Variants in DIAPH2 observed in about 807,000 individuals in gnomAD.
The protein encoded by DIAPH2 is diaphanous related formin 2.
DIAPH2 carries 35 observed loss-of-function variants against 92.7 expected under a neutral mutation model. The ratio of observed to expected loss-of-function variants is 0.38; its 90% CI spans 0.29 to 0.50. The LOEUF (loss-of-function observed/expected upper bound fraction) is 0.50, where lower values mean the gene tolerates loss of function less well. Among genes scored for constraint, DIAPH2 ranks in the 20% least tolerant of loss-of-function variants. The pLI, the probability that DIAPH2 is intolerant of heterozygous loss-of-function variation, is 0.94. For synonymous variants in DIAPH2, 301 were observed against 280.4 expected, an observed-to-expected ratio of 1.07 and a Z score of -0.73; for missense variants, 701 against 819.5, an observed-to-expected ratio of 0.86 and a Z score of 1.77.
intron 3 of DIAPH2, among the ~76,000 whole-genome samples, chrX:96,745,168 G>C (rs755964176): frequency 9.1e-6 from 1 of 109,675 alleles, no homozygotes; most frequent in Non-Finnish European, 1.9e-5. Context: ...CACCATGCCT[G>C]GCTAATTTTG....
At chrX:97,378,465 T>G (rs1162164407) in intron 24 of DIAPH2, among the ~76,000 whole-genome samples, 1 of 110,100 alleles carries the variant, frequency 9.1e-6, no homozygotes, top group African/African-American at 3.3e-5. Context: ...GAGGATCACT[T>G]GACTTCAAGA....
intron 26 of DIAPH2, among the ~76,000 whole-genome samples, chrX:97,451,887 A>G (rs750395236): frequency 1.8e-4 from 20 of 111,829 alleles, no homozygotes; most frequent in Admixed American, 1.7e-3. Flanking sequence ...TGGCCTTCAT[A>G]GTTCAACTTT....
At chrX:96,810,130 A>G (rs1054258363) in intron 4 of DIAPH2, among the ~76,000 whole-genome samples, 15 of 112,343 alleles carry the variant, frequency 1.3e-4, no homozygotes, top group African/African-American at 4.9e-4. Context: ...TTACACTCCC[A>G]TCAACAGTGT....
At position 97,601,235 on chromosome X, in the gene DIAPH2, T is replaced by C. The variant is rs1370013351; in HGVS notation, c.*1918T>C. On this transcript the variant is annotated 3_prime_UTR_variant, in exon 27 of 27. Coordinates refer to ENST00000324765, the MANE Select transcript of DIAPH2 (RefSeq NM_006729.5). ...AGCTTATCAGTCTGTAGGAGAATGATCTTGAAATGTTAACCCTGACTAAAA... is the reference window on the plus strand; with the variant it reads ...AGCTTATCAGTCTGTAGGAGAATGACCTTGAAATGTTAACCCTGACTAAAA... The C allele has an allele frequency of 8.9e-6, 1 of 112,055 alleles. No individual in the cohort carries two copies. Among genetic ancestry groups the C allele is most frequent in the Admixed American group, 9.5e-5 (1 of 10,499 alleles). The allele number at this position is 112,055 out of a possible 1,213,427, so 9.2% of individuals were successfully genotyped here.
chrX:97,066,737 C>T (rs1331590805), intron 17 of DIAPH2, among the ~76,000 whole-genome samples: 1 of 111,984 alleles, frequency 8.9e-6, no homozygotes, highest in Non-Finnish European at 1.9e-5. Context: ...TGACATTTAG[C>T]AGTGTTCAGT....
At chrX:97,570,104 ATATATATATATATATATATT>A (rs1569426165) in intron 26 of DIAPH2, among the ~76,000 whole-genome samples, 28 of 32,065 alleles carry the variant, frequency 8.7e-4, no homozygotes, top group African/African-American at 1.8e-3. Flanking sequence ...ATATATATAT[ATATATATATATATATATATT>A]AGAAGATAGA....
chrX:96,720,886 A>G (rs761555247), intron 1 of DIAPH2, among the ~76,000 whole-genome samples: 1 of 111,708 alleles, frequency 9.0e-6, no homozygotes, highest in South Asian at 3.7e-4. Flanking sequence ...TGTAATTAAA[A>G]CATATGAGAT....
chrX:96,695,375 G>A lies in DIAPH2; in HGVS notation c.132+10185G>A, dbSNP rs184624574. Among the ~76,000 whole-genome samples the A allele has an allele frequency of 2.9e-3, 326 of 112,635 alleles. 1 individual carries two copies. The highest frequency in any genetic ancestry group is 0.01 in the African/African-American group (318 of 31,033). On this transcript the variant is annotated intron_variant, in intron 1 of 26. Coordinates refer to ENST00000324765, the MANE Select transcript of DIAPH2 (RefSeq NM_006729.5). ...TGTTTTACGAAAGTAGGGCTTCCCT[G>A]TATTCTCTTATCTCAAATTCTTAGG...
At chrX:96,847,888 A>G (rs6620191) in intron 4 of DIAPH2, among the ~76,000 whole-genome samples, 11,889 of 110,861 alleles carry the variant, frequency 0.11, 569 homozygotes, top group East Asian at 0.32. Flanking sequence ...GTGAACTAAT[A>G]TAATTTGTAT....
At chrX:97,242,511 G>T (rs1217299398) in intron 22 of DIAPH2, among the ~76,000 whole-genome samples, 1 of 109,187 alleles carries the variant, frequency 9.2e-6, no homozygotes, top group African/African-American at 3.3e-5. Flanking sequence ...TTACAGGCGG[G>T]CACCACCATG....
chrX:97,015,128 TG>T (rs1303601471), intron 17 of DIAPH2, among the ~76,000 whole-genome samples: 1 of 111,745 alleles, frequency 8.9e-6, no homozygotes, highest in Non-Finnish European at 1.9e-5. Flanking sequence ...TCAGAAAGAA[TG>T]GGGATAAGTA....
At chrX:96,950,548 A>G (rs1462382728) in intron 15 of DIAPH2, among the ~76,000 whole-genome samples, 3 of 111,452 alleles carry the variant, frequency 2.7e-5, no homozygotes, top group African/African-American at 9.8e-5. Context: ...CTCCACTCAT[A>G]CTACACCTCT....
At chrX:97,030,440 C>A (rs1458810344) in intron 17 of DIAPH2, among the ~76,000 whole-genome samples, 1 of 111,018 alleles carries the variant, frequency 9.0e-6, no homozygotes, top group Non-Finnish European at 1.9e-5. Context: ...AACAGTATGA[C>A]AAAATATCAT....
intron 21 of DIAPH2, among the ~76,000 whole-genome samples, chrX:97,125,676 A>G (rs929585527): frequency 9.1e-6 from 1 of 110,363 alleles, no homozygotes; most frequent in Non-Finnish European, 1.9e-5. Context: ...CATTTTCAGG[A>G]AATAAGAAAA....
At chrX:97,154,163 A>G (rs1343649235) in intron 22 of DIAPH2, among the ~76,000 whole-genome samples, 2 of 111,479 alleles carry the variant, frequency 1.8e-5, no homozygotes, top group Admixed American at 1.9e-4. Flanking sequence ...TAGTGATTAT[A>G]GTAACCACTA....
chrX:96,887,496 T>A (rs1433920583), intron 5 of DIAPH2, among the ~76,000 whole-genome samples: 1 of 111,166 alleles, frequency 9.0e-6, no homozygotes, highest in Non-Finnish European at 1.9e-5. Flanking sequence ...CACCCAAGGT[T>A]TTTTCCTATG....
chrX:96,882,959 C>A (rs868328430), intron 5 of DIAPH2, among the ~76,000 whole-genome samples: 4 of 31,978 alleles, frequency 1.3e-4, no homozygotes, highest in African/African-American at 1.1e-4. Context: ...ACCCTGTCTC[C>A]AAAAAAAAAA....
chrX:97,461,184 T>G (rs1407607054), intron 26 of DIAPH2, among the ~76,000 whole-genome samples: 1 of 110,392 alleles, frequency 9.1e-6, no homozygotes, highest in African/African-American at 3.3e-5. Flanking sequence ...TCAGTCTTTC[T>G]GCCTTTAAGA....
chrX:97,226,046 G>A (rs1824068017), intron 22 of DIAPH2, among the ~76,000 whole-genome samples: 1 of 111,615 alleles, frequency 9.0e-6, no homozygotes, highest in Non-Finnish European at 1.9e-5. Context: ...AGCAGGATAA[G>A]AGACTCAGAT....
Sources: allele counts gnomAD v4.1 joint callset (sites outside exome capture counted in the v4.1 genomes callset), GRCh38; gene constraint gnomAD v4.1.1; transcripts MANE v1.5; gene names NCBI Gene and HGNC (gene_info 2026-07-23, HGNC 2026-07-21).